The following PHF24 variants were observed in gnomAD, a reference collection of about 807,000 sequenced individuals.
PHF24 encodes Galpha inhibitory interacting protein.
PHF24 carries 25 observed loss-of-function variants against 42.6 expected under a neutral mutation model. The ratio of observed to expected loss-of-function variants is 0.59; its 90% CI spans 0.43 to 0.82. The LOEUF is 0.82. PHF24 is among the 40% of genes least tolerant of loss of function. PHF24 has a pLI of 0.00. For synonymous variants in PHF24, 185 were observed against 204.8 expected (o/e 0.90, Z 0.83); for missense variants, 470 against 538.1 (o/e 0.87, Z 1.25).
chr9:34,715,809 C>A, the PHF24 span, among the ~76,000 whole-genome samples: 1 of 152,188 alleles, frequency 6.6e-6, no homozygotes, highest in Non-Finnish European at 1.5e-5. Flanking sequence ...CTCTCTAGGA[C>A]AGGCACCTGG....
At chr9:34,679,718 A>T in the PHF24 span, among the ~76,000 whole-genome samples, 1 of 152,060 alleles carries the variant, frequency 6.6e-6, no homozygotes. Context: ...CTTCTCAAAA[A>T]ACTTCCATAT....
the PHF24 span, among the ~76,000 whole-genome samples, chr9:34,700,803 G>C: frequency 6.6e-6 from 1 of 152,156 alleles, no homozygotes; most frequent in Non-Finnish European, 1.5e-5. Flanking sequence ...ATCAGGAAGA[G>C]AAACAGGAAT....
chr9:34,829,642 G>A, the PHF24 span, among the ~76,000 whole-genome samples: 703 of 152,244 alleles, frequency 4.6e-3, 8 homozygotes, highest in African/African-American at 0.016. Context: ...TGCCTCCTCA[G>A]CGCAGACTTT....
the PHF24 span, among the ~76,000 whole-genome samples, chr9:34,671,852 C>T: frequency 4.7e-5 from 7 of 148,480 alleles, no homozygotes; most frequent in African/African-American, 1.7e-4. Context: ...TCCATCCATC[C>T]ATGTGTCTAT....
chr9:34,929,608 G>A, the PHF24 span, among the ~76,000 whole-genome samples: 1 of 152,186 alleles, frequency 6.6e-6, no homozygotes, highest in South Asian at 2.1e-4. Context: ...TAGAGCAGAG[G>A]ATTAAAGCAA....
chr9:34,786,697 G>C, the PHF24 span, among the ~76,000 whole-genome samples: 339 of 152,280 alleles, frequency 2.2e-3, 1 homozygote, highest in African/African-American at 7.1e-3. Flanking sequence ...CTAAAATGTT[G>C]AGGGCTTGAC....
the PHF24 span, among the ~76,000 whole-genome samples, chr9:34,846,012 G>C: frequency 0.088 from 13,308 of 152,080 alleles, 1,328 homozygotes; most frequent in African/African-American, 0.24. Flanking sequence ...TTGGACATAT[G>C]GGTTGGTTCC....
At chr9:34,833,053 C>A in the PHF24 span, 980 of 1,549,754 alleles carry the variant, frequency 6.3e-4, 2 homozygotes, top group African/African-American at 7.1e-3. Context: ...TCCCTGCTGG[C>A]CTCTGGTCTT....
chr9:34,709,878 C>T, the PHF24 span: 1 of 1,614,244 alleles, frequency 6.2e-7, no homozygotes, highest in Non-Finnish European at 8.5e-7. Context: ...GGCAACAGTC[C>T]TGAGCCCCTC....
At chr9:34,727,916 C>A in the PHF24 span, 40 of 1,056,766 alleles carry the variant, frequency 3.8e-5, no homozygotes, top group Admixed American at 7.4e-5. Context: ...CTGTGTATGT[C>A]TCCCTCCCAG....
At chr9:34,917,241 G>C in the PHF24 span, 1 of 1,269,826 alleles carries the variant, frequency 7.9e-7, no homozygotes, top group Non-Finnish European at 1.2e-6. Flanking sequence ...CCTGCCTCAG[G>C]GTGAGAAAGT....
chr9:34,730,519 G>A, the PHF24 span, among the ~76,000 whole-genome samples: 1 of 152,202 alleles, frequency 6.6e-6, no homozygotes, highest in Non-Finnish European at 1.5e-5. Context: ...TATGTGCTCA[G>A]CCCTAAGCTG....
chr9:34,896,971 A>G, the PHF24 span, among the ~76,000 whole-genome samples: 1 of 152,160 alleles, frequency 6.6e-6, no homozygotes, highest in Admixed American at 6.5e-5. Flanking sequence ...CCTGGCCAAC[A>G]TGGTGAAACC....
At chr9:34,966,406 C>G (rs1330637459) in intron 1 of PHF24, among the ~76,000 whole-genome samples, 2 of 152,114 alleles carry the variant, frequency 1.3e-5, no homozygotes, top group Non-Finnish European at 2.9e-5. Flanking sequence ...GGCAACATAC[C>G]AAGACCCTGT....
At chr9:34,723,124 G>A in the PHF24 span, 2 of 1,317,114 alleles carry the variant, frequency 1.5e-6, no homozygotes, top group Admixed American at 2.8e-5. Flanking sequence ...TGACAATACT[G>A]GTCCTCTGGA....
chr9:34,918,783 A>C, the PHF24 span, among the ~76,000 whole-genome samples: 1 of 152,202 alleles, frequency 6.6e-6, no homozygotes, highest in Admixed American at 6.5e-5. Flanking sequence ...TTGAAAGGTC[A>C]CTAAACAATT....
the PHF24 span, chr9:34,833,338 A>G: frequency 1.3e-6 from 2 of 1,551,156 alleles, no homozygotes; most frequent in East Asian, 4.9e-5. Context: ...CCGAGTGGGC[A>G]GAACCCTGGG....
At chr9:34,742,957 C>T in the PHF24 span, among the ~76,000 whole-genome samples, 5,822 of 152,050 alleles carry the variant, frequency 0.038, 386 homozygotes, top group African/African-American at 0.13. Context: ...TTGTCTGTGG[C>T]TGCTTTCTCA....
chr9:34,689,698 G>A, the PHF24 span: 10,205 of 1,161,082 alleles, frequency 8.8e-3, 521 homozygotes, highest in East Asian at 0.094. This position sits in a 1 kb window ranked among gnomAD's most constrained non-coding sequence, Gnocchi z 4.1. Flanking sequence ...GTCCTGGCTG[G>A]TCAGGTCTGG....
Sources: allele counts gnomAD v4.1 joint callset (sites outside exome capture counted in the v4.1 genomes callset), GRCh38; gene constraint gnomAD v4.1.1; non-coding constraint Gnocchi (gnomAD v3.1); transcripts MANE v1.5; gene names NCBI Gene and HGNC (gene_info 2026-07-23, HGNC 2026-07-21).